GLIS3: variants seen among roughly 807,000 people sequenced by gnomAD.
GLIS3 encodes the protein GLIS family zinc finger 3.
A neutral mutation model predicts 78.6 loss-of-function variants in GLIS3; 53 were observed. The ratio of observed to expected loss-of-function variants is 0.67; its 90% CI spans 0.54 to 0.85. The LOEUF (loss-of-function observed/expected upper bound fraction) is 0.85, where lower values mean the gene tolerates loss of function less well. GLIS3 is among the 40% of genes least tolerant of loss of function. The pLI, the probability that GLIS3 is intolerant of heterozygous loss-of-function variation, is 0.00. For missense variants in GLIS3, 1,703 were observed against 1,231.1 expected (o/e 1.38, Z -5.74); for synonymous variants, 684 against 509.9 (o/e 1.34, Z -4.60).
At chr9:4,459,153 A>G in the GLIS3 span, among the ~76,000 whole-genome samples, 325 of 152,344 alleles carry the variant, frequency 2.1e-3, 3 homozygotes, top group African/African-American at 7.6e-3. Context: ...TTAGGAGACC[A>G]TTGAATAATC....
chr9:4,378,908 C>T, the GLIS3 span, among the ~76,000 whole-genome samples: 3 of 152,114 alleles, frequency 2.0e-5, no homozygotes, highest in Admixed American at 1.3e-4. Flanking sequence ...CATCTGAGCC[C>T]CCATCAAGCC....
intron 4 of GLIS3, among the ~76,000 whole-genome samples, chr9:4,011,395 G>C (rs1215431412): frequency 6.6e-6 from 1 of 152,190 alleles, no homozygotes; most frequent in African/African-American, 2.4e-5. Context: ...AAGACAAAGA[G>C]AACATAGAAA....
intron 4 of GLIS3, among the ~76,000 whole-genome samples, chr9:4,306,591 T>G (rs1394510386): frequency 6.6e-6 from 1 of 152,178 alleles, no homozygotes; most frequent in Non-Finnish European, 1.5e-5. Flanking sequence ...TGAAATAGGA[T>G]TTTTCTCATT....
At chr9:4,132,876 T>C (rs935168056) in intron 2 of GLIS3, among the ~76,000 whole-genome samples, 4 of 152,216 alleles carry the variant, frequency 2.6e-5, no homozygotes, top group Non-Finnish European at 5.9e-5. Context: ...TTACTGGCTG[T>C]GTGATATCAG....
chr9:4,246,714 T>C (rs1215873264), intron 2 of GLIS3, among the ~76,000 whole-genome samples: 1 of 152,146 alleles, frequency 6.6e-6, no homozygotes, highest in East Asian at 1.9e-4. Flanking sequence ...ATCCTTTACC[T>C]CCTATCATTT....
At chr9:4,305,612 A>G (rs1817207708) in intron 4 of GLIS3, 1 of 152,268 alleles carries the variant, frequency 6.6e-6, no homozygotes, top group South Asian at 2.1e-4. Flanking sequence ...CCCTGGCCAT[A>G]GGGATTGGTT....
chr9:3,901,435 C>T (rs1823293936), intron 6 of GLIS3, among the ~76,000 whole-genome samples: 1 of 152,200 alleles, frequency 6.6e-6, no homozygotes, highest in South Asian at 2.1e-4. Flanking sequence ...GAAGTATTTA[C>T]ACCATGGAAA....
chr9:4,362,124 G>T, the GLIS3 span, among the ~76,000 whole-genome samples: 3 of 152,240 alleles, frequency 2.0e-5, no homozygotes, highest in African/African-American at 7.2e-5. Flanking sequence ...CACATGCCTA[G>T]GGAGGCAGCT....
chr9:3,914,801 C>T (rs913024559), intron 6 of GLIS3, among the ~76,000 whole-genome samples: 3 of 152,174 alleles, frequency 2.0e-5, no homozygotes, highest in Non-Finnish European at 2.9e-5. Context: ...CTTCTGACCA[C>T]GGATTGAGTA....
chr9:4,208,040 A>G (rs1051503870), intron 2 of GLIS3, among the ~76,000 whole-genome samples: 1 of 152,222 alleles, frequency 6.6e-6, no homozygotes, highest in African/African-American at 2.4e-5. Context: ...CCACCAGGAA[A>G]GTGACTTTTA....
chr9:4,478,918 C>T, the GLIS3 span, among the ~76,000 whole-genome samples: 1 of 152,132 alleles, frequency 6.6e-6, no homozygotes, highest in Admixed American at 6.6e-5. Context: ...TATGAAATAG[C>T]AAACCTCTAC....
At chr9:4,473,700 T>C in the GLIS3 span, among the ~76,000 whole-genome samples, 1 of 151,714 alleles carries the variant, frequency 6.6e-6, no homozygotes, top group Admixed American at 6.6e-5. Context: ...AATACCAGGG[T>C]GACAAAATAA....
intron 4 of GLIS3, among the ~76,000 whole-genome samples, chr9:4,012,591 C>G (rs914868948): frequency 6.6e-6 from 1 of 151,998 alleles, no homozygotes; most frequent in Non-Finnish European, 1.5e-5. Flanking sequence ...TTCTGTTGGA[C>G]TAGTGTGTAA....
At chr9:4,130,408 C>T (rs1832887905) in intron 2 of GLIS3, among the ~76,000 whole-genome samples, 1 of 152,206 alleles carries the variant, frequency 6.6e-6, no homozygotes, top group South Asian at 2.1e-4. Context: ...CATCACAGGC[C>T]CAAAGGCCTA....
At chr9:4,131,253 G>A (rs1832952524) in intron 2 of GLIS3, among the ~76,000 whole-genome samples, 1 of 152,152 alleles carries the variant, frequency 6.6e-6, no homozygotes, top group Non-Finnish European at 1.5e-5. Flanking sequence ...TTAGACTTTG[G>A]ACTTTTGAGT....
intron 1 of GLIS3, chr9:4,298,390 G>A (rs370885597): frequency 6.6e-6 from 3 of 456,312 alleles, no homozygotes; most frequent in Non-Finnish European, 1.3e-5. Flanking sequence ...GTACCTAATT[G>A]AATCATCCAT....
intron 4 of GLIS3, among the ~76,000 whole-genome samples, chr9:3,963,979 G>T (rs941384322): frequency 6.6e-6 from 1 of 152,024 alleles, no homozygotes; most frequent in East Asian, 1.9e-4. Flanking sequence ...GATGGTGCAC[G>T]CACTGCTTCA....
chr9:4,233,752 C>T (rs1415703865), intron 2 of GLIS3, among the ~76,000 whole-genome samples: 1 of 152,194 alleles, frequency 6.6e-6, no homozygotes, highest in Non-Finnish European at 1.5e-5. Flanking sequence ...ATTGACTTCT[C>T]CTCTGTAGCT....
At chr9:4,383,429 G>A in the GLIS3 span, among the ~76,000 whole-genome samples, 1 of 152,034 alleles carries the variant, frequency 6.6e-6, no homozygotes, top group South Asian at 2.1e-4. Flanking sequence ...AACTAATGTG[G>A]GTCTACCCTG....
Sources: allele counts gnomAD v4.1 joint callset (sites outside exome capture counted in the v4.1 genomes callset), GRCh38; gene constraint gnomAD v4.1.1; transcripts MANE v1.5; gene names NCBI Gene and HGNC (gene_info 2026-07-23, HGNC 2026-07-21).